RARRES1: variants seen among roughly 807,000 people sequenced by gnomAD.
RARRES1 encodes retinoic acid receptor responder protein 1.
Under a neutral mutation model 30.6 loss-of-function variants are expected in RARRES1, and 34 were observed. The ratio of observed to expected loss-of-function variants is 1.11; its 90% CI spans 0.84 to 1.48. The LOEUF is 1.48. RARRES1 is among the 40% of genes most tolerant of loss of function. The pLI, the probability that RARRES1 is intolerant of heterozygous loss-of-function variation, is 0.00. For missense variants in RARRES1, 373 were observed against 386.5 expected (o/e 0.97, Z 0.29); for synonymous variants, 153 against 155.5 (o/e 0.98, Z 0.12).
At chr3:158,713,647 G>A (rs1727219345) in intron 2 of RARRES1, 150 bp downstream of exon 2, 1 of 725,920 alleles carries the variant, frequency 1.4e-6, no homozygotes, top group Middle Eastern at 2.5e-4. Context: ...GCCTAGTTCT[G>A]TTCTTTAGTT....
chr3:158,711,005 A>AAG (rs1727114592), intron 2 of RARRES1, 72 bp from the exon 3 acceptor site: 2 of 1,422,960 alleles, frequency 1.4e-6, no homozygotes, highest in Non-Finnish European at 2.0e-6. Context: ...CAAGATTGAG[A>AAG]AGAGTTCATT....
chr3:158,704,517 A>G lies in RARRES1; in HGVS notation c.672+274T>C, dbSNP rs576341884. On this transcript the variant is annotated intron_variant, in intron 4 of 5. Transcript: ENST00000237696. ...AATTTTTTTCATAGCATTTACCATC[A>G]TATGATACATATTTATTTATTAGCT... 3.5e-5 allele frequency: 12 copies of G among 347,182 alleles called. No individual in the cohort carries two copies. The East Asian group carries it at 4.9e-4, about 14-fold the overall frequency. 21.5% of individuals were successfully genotyped at this position (347,182 alleles called of 1,614,324 possible).
intron 1 of RARRES1, among the ~76,000 whole-genome samples, chr3:158,725,558 C>T (rs990444809): frequency 2.0e-5 from 3 of 152,108 alleles, no homozygotes; most frequent in Non-Finnish European, 4.4e-5. Context: ...TACTAATGCT[C>T]TGTGATTACA....
At position 158,704,827 on chromosome 3, in the gene RARRES1, G is replaced by A; in HGVS notation, c.636C>T (p.His212=). The A allele has an allele frequency of 1.2e-6, 2 of 1,614,084 alleles. No individual in the cohort carries two copies. The highest frequency in any genetic ancestry group is 2.2e-5 in the East Asian group (1 of 44,888). Residue 212 remains histidine, a synonymous_variant, in exon 4 of 6, where the codon CAC becomes CAT. Transcript: ENST00000237696. ...VMWEMTTQVS[H]YYLAQLTSVR... is the part of the protein sequence containing the mutation. ...CACTAGTGAGCTGTGCCAAGTAGTAGTGTGACACCTGTGTTGTCATTTCCC... is the reference window on the plus strand; with the variant it reads ...CACTAGTGAGCTGTGCCAAGTAGTAATGTGACACCTGTGTTGTCATTTCCC...
At chr3:158,708,507 C>T (rs1726999818) in intron 3 of RARRES1, among the ~76,000 whole-genome samples, 1 of 152,146 alleles carries the variant, frequency 6.6e-6, no homozygotes. Flanking sequence ...TTTGTAAATT[C>T]ATTAGAAGTG....
chr3:158,725,252 T>G (rs1559875357), intron 1 of RARRES1, among the ~76,000 whole-genome samples: 2 of 152,168 alleles, frequency 1.3e-5, no homozygotes, highest in Non-Finnish European at 1.5e-5. Flanking sequence ...GAAACATTCT[T>G]CAACTGAGGC....
intron 1 of RARRES1, among the ~76,000 whole-genome samples, chr3:158,731,851 G>A (rs1474253569): frequency 6.6e-6 from 1 of 152,240 alleles, no homozygotes; most frequent in Non-Finnish European, 1.5e-5. Flanking sequence ...CTCTTTCCCA[G>A]GTGTGGGAGC....
chr3:158,728,526 T>TTTTTTG (rs1553746138), intron 1 of RARRES1, among the ~76,000 whole-genome samples: 2 of 148,104 alleles, frequency 1.4e-5, no homozygotes, highest in African/African-American at 5.0e-5. Flanking sequence ...CTTTTTTTTT[T>TTTTTTG]TTTTTTTTGG....
In RARRES1 at chr3:158,730,332, A is replaced by C. The variant is rs530517187; in HGVS notation, c.276+1808T>G. ...AAGACTCTGTCTCAAAAAAAAAAAAAAAAAAACAAAGACAGGTGACAAGAA... is the reference window on the plus strand; with the variant it reads ...AAGACTCTGTCTCAAAAAAAAAAAACAAAAAACAAAGACAGGTGACAAGAA... On this transcript the variant is annotated intron_variant, in intron 1 of 5. Transcript: ENST00000237696. Among the ~76,000 whole-genome samples, 1,453 of 146,376 alleles carry C rather than the reference A, an allele frequency of 9.9e-3. 17 individuals carry two copies. The highest frequency in any genetic ancestry group is 0.022 in the Middle Eastern group (6 of 278).
Position 158,704,806 on chromosome 3 carries a change from A to G in RARRES1, c.657T>C (p.Thr219=), listed in dbSNP as rs1175017074. 1 of 1,613,624 alleles carries G rather than the reference A, an allele frequency of 6.2e-7. No individual in the cohort carries two copies. The highest frequency in any genetic ancestry group is 1.1e-5 in the South Asian group (1 of 90,914). ...QVSHYYLAQL[T]SVRQWKTNDD... is the part of the protein sequence containing the mutation. ...TTTTTCTTACCCACTGCCTCACACT[A>G]GTGAGCTGTGCCAAGTAGTAGTGTG... The change falls in exon 4 of 6, where the codon ACT becomes ACC. Residue 219 remains threonine, a synonymous_variant. Coordinates refer to ENST00000237696, the MANE Select transcript of RARRES1 (RefSeq NM_206963.2).
At chr3:158,716,875 C>T (rs115864922) in intron 1 of RARRES1, among the ~76,000 whole-genome samples, 2,460 of 152,278 alleles carry the variant, frequency 0.016, 67 homozygotes, top group African/African-American at 0.056. Flanking sequence ...TGACTCACTG[C>T]GCCTGGTTAA....
chr3:158,713,996 T>G (rs750057636), intron 1 of RARRES1, 137 bp from the exon 2 acceptor site: 2 of 795,840 alleles, frequency 2.5e-6, no homozygotes, highest in Non-Finnish European at 4.1e-6. Context: ...TGGTGATGGC[T>G]TAGAAGAAAG....
At chr3:158,731,653 A>G (rs115958277) in intron 1 of RARRES1, among the ~76,000 whole-genome samples, 7 of 152,214 alleles carry the variant, frequency 4.6e-5, no homozygotes, top group Non-Finnish European at 1.0e-4. Flanking sequence ...ACTGCAATTA[A>G]CAAGAGACAG....
At chr3:158,730,333 A>C (rs1029178755) in intron 1 of RARRES1, among the ~76,000 whole-genome samples, 5 of 145,718 alleles carry the variant, frequency 3.4e-5, no homozygotes, top group Non-Finnish European at 6.1e-5. Context: ...AAAAAAAAAA[A>C]AAAAACAAAG....
chr3:158,713,621 T>A (rs1460977925), intron 2 of RARRES1, among the ~76,000 whole-genome samples, 176 bp downstream of exon 2: 1 of 152,216 alleles, frequency 6.6e-6, no homozygotes, highest in Non-Finnish European at 1.5e-5. Flanking sequence ...TTGAAGTAGT[T>A]AAATATTGAG....
At position 158,704,895 on chromosome 3, in the gene RARRES1, G is replaced by A. The variant is rs1422739389; in HGVS notation, c.568C>T (p.Leu190Phe). The change falls in exon 4 of 6, where the codon CTC (leucine) becomes TTC (phenylalanine). Residue 190 changes from leucine to phenylalanine, a missense_variant. Physicochemically the swap from Leu to Phe is conservative, Grantham distance 22 (BLOSUM62 0). Coordinates refer to ENST00000237696, the MANE Select transcript of RARRES1 (RefSeq NM_206963.2). ...NHGHIDPSLRLIWDLAFLGSS... is the reference protein window; with the variant it reads ...NHGHIDPSLRFIWDLAFLGSS... Reference sequence around the variant, plus strand: ...CCAAGGAAAGCCAAATCCCAGATGAGTCTCAGAGAGGGATCAATATGTCCA... The same window carrying A: ...CCAAGGAAAGCCAAATCCCAGATGAATCTCAGAGAGGGATCAATATGTCCA... The A allele has an allele frequency of 1.2e-6, 2 of 1,613,544 alleles. No individual in the cohort carries two copies. Among genetic ancestry groups the A allele is most frequent in the Admixed American group, 3.3e-5 (2 of 59,976 alleles).
chr3:158,698,602 A>T (rs935964832), intron 4 of RARRES1, among the ~76,000 whole-genome samples: 6 of 151,792 alleles, frequency 4.0e-5, no homozygotes, highest in African/African-American at 1.5e-4. Flanking sequence ...AGTTGTCTTC[A>T]TCTCTTTTAT....
rs1727575475 is a variant in RARRES1 at position 158,723,352 on chromosome 3, A to G, written c.276+8788T>C. On this transcript the variant is annotated intron_variant, in intron 1 of 5. Transcript: ENST00000237696. This position sits in a 1 kb window ranked among gnomAD's most constrained non-coding sequence, Gnocchi z 4.4. ...TTTTATAAGGTTACTTTTATGAGTC[A>G]GGCTTGGTTGGAGATAAGTAAACAA... Among the ~76,000 whole-genome samples, 1 of 152,250 alleles carries G rather than the reference A, an allele frequency of 6.6e-6. No individual in the cohort carries two copies. Among genetic ancestry groups the G allele is most frequent in the African/African-American group, 2.4e-5 (1 of 41,468 alleles).
chr3:158,719,631 G>A (rs1727436486), intron 1 of RARRES1, among the ~76,000 whole-genome samples: 1 of 151,912 alleles, frequency 6.6e-6, no homozygotes, highest in African/African-American at 2.4e-5. Context: ...AGTGAAAAGA[G>A]GCAGTCCCAT....
Sources: gnomAD v4.1 joint callset for allele counts (sites outside exome capture counted in the v4.1 genomes callset) on GRCh38, gnomAD v4.1.1 for gene constraint, Gnocchi (gnomAD v3.1) non-coding constraint, MANE v1.5 for transcripts, NCBI Gene and HGNC (gene_info 2026-07-23, HGNC 2026-07-21) for gene names.